RALGAPB: variants seen among roughly 807,000 people sequenced by gnomAD.
The protein encoded by RALGAPB is ral GTPase-activating protein subunit beta.
RALGAPB carries 25 observed loss-of-function variants against 161.1 expected under a neutral mutation model. The observed-to-expected ratio is 0.16, with a 90% CI of 0.11 to 0.22. RALGAPB has a LOEUF of 0.22. RALGAPB is among the 10% of genes least tolerant of loss of function. RALGAPB has a pLI of 1.00. For synonymous variants in RALGAPB, 629 were observed against 626.1 expected, an observed-to-expected ratio of 1.00 and a Z score of -0.07; for missense variants, 1,391 against 1,815.2, an observed-to-expected ratio of 0.77 and a Z score of 4.25.
chr20:38,574,681 G>T, intron 29 of RALGAPB, 93 bp from the exon 30 acceptor site: 2 of 1,240,260 alleles, frequency 1.6e-6, no homozygotes, highest in South Asian at 1.3e-5. Flanking sequence ...AAATAGTTTT[G>T]AGTATGCGGA....
At chr20:38,546,471 A>G in intron 19 of RALGAPB, 41 bp downstream of exon 19, 4 of 1,610,724 alleles carry the variant, frequency 2.5e-6, no homozygotes, top group Non-Finnish European at 3.4e-6. Context: ...CTGCTTAATC[A>G]GTGTTACCAG....
chr20:38,529,732 A>C (rs1244574024), intron 13 of RALGAPB, among the ~76,000 whole-genome samples: 2 of 149,568 alleles, frequency 1.3e-5, no homozygotes, highest in African/African-American at 4.9e-5. Context: ...AATTCCAGCT[A>C]CTCGGAGGCC....
intron 1 of RALGAPB, among the ~76,000 whole-genome samples, chr20:38,487,177 G>A (rs2085139619): frequency 6.6e-6 from 1 of 152,196 alleles, no homozygotes; most frequent in African/African-American, 2.4e-5. Flanking sequence ...CATGACCAGT[G>A]ACTTAGGGTA....
At chr20:38,502,719 C>T (rs1400954122) in intron 5 of RALGAPB, among the ~76,000 whole-genome samples, 1 of 152,204 alleles carries the variant, frequency 6.6e-6, no homozygotes, top group East Asian at 1.9e-4. Context: ...TCTCGTGCCT[C>T]AGCCTCCCCA....
In RALGAPB at chr20:38,558,809, CTAG is replaced by C. The variant is rs2087685364; in HGVS notation, c.3531+357_3531+359del. Among the ~76,000 whole-genome samples the C allele has an allele frequency of 2.0e-5, 3 of 152,284 alleles. No individual in the cohort carries two copies. In the South Asian group the frequency reaches 6.2e-4, roughly 32 times the overall value. ...TGAACTGTTGGTGGTGACACACAGTCTAGAGTCCATATAGCACGCAGCTTCAAA... is the reference window on the plus strand; with the variant it reads ...TGAACTGTTGGTGGTGACACACAGTCAGTCCATATAGCACGCAGCTTCAAA... On this transcript the variant is annotated intron_variant, in intron 23 of 29. Transcript: ENST00000262879.
At position 38,577,313 on chromosome 20, in the gene RALGAPB, A is replaced by G. The variant is rs1373368410; in HGVS notation, c.*2346A>G. 1 of 152,200 alleles carries G rather than the reference A, an allele frequency of 6.6e-6. No homozygotes were observed. Among genetic ancestry groups the G allele is most frequent in the African/African-American group, 2.4e-5 (1 of 41,442 alleles). 9.4% of individuals were successfully genotyped at this position (152,200 alleles called of 1,614,324 possible). A position where few individuals can be genotyped will look rare whatever the true frequency, so the allele number is the denominator to read the frequency against. On this transcript the variant is annotated 3_prime_UTR_variant, in exon 30 of 30. Coordinates refer to ENST00000262879, the MANE Select transcript of RALGAPB (RefSeq NM_020336.4). Reference sequence around the variant, plus strand: ...TAAAAATCACTTTGAGTAGAATAGCACTGGAGGAACATATTTAGCACCTAA... The same window carrying G: ...TAAAAATCACTTTGAGTAGAATAGCGCTGGAGGAACATATTTAGCACCTAA...
At chr20:38,487,042 A>G (rs1174114566) in intron 1 of RALGAPB, among the ~76,000 whole-genome samples, 3 of 152,204 alleles carry the variant, frequency 2.0e-5, no homozygotes, top group Admixed American at 2.0e-4. Flanking sequence ...CTCAGCTGAG[A>G]GGAGTTGGTC....
chr20:38,543,655 G>A (rs974771080), intron 18 of RALGAPB, among the ~76,000 whole-genome samples: 1 of 152,140 alleles, frequency 6.6e-6, no homozygotes, highest in African/African-American at 2.4e-5. Context: ...CCGTTGTCAG[G>A]CCTGACAGAG....
At chr20:38,536,082 C>A (rs1365988669) in intron 16 of RALGAPB, among the ~76,000 whole-genome samples, 1 of 152,120 alleles carries the variant, frequency 6.6e-6, no homozygotes, top group Non-Finnish European at 1.5e-5. Context: ...CTTCTAGTTC[C>A]AAAATGTTTT....
chr20:38,559,763 G>A (rs2087723294), intron 23 of RALGAPB, among the ~76,000 whole-genome samples: 3 of 152,122 alleles, frequency 2.0e-5, no homozygotes, highest in Admixed American at 2.0e-4. Flanking sequence ...ACTAAGAGAA[G>A]GACGAAGAAA....
chr20:38,537,700 A>G (rs2086849314), intron 16 of RALGAPB: 1 of 152,348 alleles, frequency 6.6e-6, no homozygotes, highest in East Asian at 1.9e-4. Flanking sequence ...TTCAGATTAC[A>G]TAAAGAACTC....
intron 1 of RALGAPB, among the ~76,000 whole-genome samples, chr20:38,475,015 A>G (rs1056331301): frequency 1.3e-5 from 2 of 152,226 alleles, no homozygotes; most frequent in African/African-American, 4.8e-5. Flanking sequence ...AGTTGAACAC[A>G]CACATTGAGT....
intron 5 of RALGAPB, among the ~76,000 whole-genome samples, chr20:38,503,127 AT>A (rs956154644): frequency 1.2e-4 from 19 of 152,120 alleles, no homozygotes; most frequent in African/African-American, 4.6e-4. Flanking sequence ...TTTCCTTATG[AT>A]TTTCTTAATA....
At chr20:38,532,965 C>T (rs2086701460) in intron 15 of RALGAPB, 106 bp downstream of exon 15, 1 of 1,268,054 alleles carries the variant, frequency 7.9e-7, no homozygotes, top group Non-Finnish European at 1.1e-6. Context: ...TTTTTATATA[C>T]TTAAGTATAA....
At chr20:38,529,506 A>T (rs2086581698) in intron 13 of RALGAPB, among the ~76,000 whole-genome samples, 1 of 149,770 alleles carries the variant, frequency 6.7e-6, no homozygotes, top group Admixed American at 6.6e-5. Context: ...AATAAGAGCG[A>T]AACTCCGTCT....
At chr20:38,569,202 C>T (rs1418146834) in intron 26 of RALGAPB, 1 of 152,200 alleles carries the variant, frequency 6.6e-6, no homozygotes, top group African/African-American at 2.4e-5. Flanking sequence ...ATTCTTCCCT[C>T]TGTACACATG....
chr20:38,496,464 C>T (rs1365977594), intron 3 of RALGAPB, among the ~76,000 whole-genome samples: 1 of 152,122 alleles, frequency 6.6e-6, no homozygotes, highest in African/African-American at 2.4e-5. Context: ...ATATTAGATA[C>T]TTCTCTTGGG....
Position 38,517,810 on chromosome 20 carries a change from TCAG to T in RALGAPB, c.1230_1232del (p.Gln410del), listed in dbSNP as rs1225265776. ...TTAGTACTGCTCATGCCTCTAAAGT[TCAG>T]CACCAGACGTCCTCCACCTCTCCTC... On this transcript the variant is annotated inframe_deletion, in exon 9 of 30. Coordinates refer to ENST00000262879, the MANE Select transcript of RALGAPB (RefSeq NM_020336.4). The T allele has an allele frequency of 6.2e-7, 1 of 1,613,808 alleles. No homozygotes were observed. The highest frequency in any genetic ancestry group is 1.1e-5 in the South Asian group (1 of 91,062).
In RALGAPB at chr20:38,494,459, T is replaced by C. The variant is rs2085361691; in HGVS notation, c.389+1327T>C. Among the ~76,000 whole-genome samples the C allele has an allele frequency of 2.0e-5, 3 of 152,238 alleles. No homozygotes were observed. The South Asian group carries it at 6.2e-4, about 32-fold the overall frequency. ...CAGCCTGGCCAACATGGCGAAACCC[T>C]GTCTCTACTAAAAATACAAAACTTA... On this transcript the variant is annotated intron_variant, in intron 3 of 29. Coordinates refer to ENST00000262879, the MANE Select transcript of RALGAPB (RefSeq NM_020336.4).
Sources: allele counts gnomAD v4.1 joint callset (sites outside exome capture counted in the v4.1 genomes callset), GRCh38; gene constraint gnomAD v4.1.1; transcripts MANE v1.5; gene names NCBI Gene and HGNC (gene_info 2026-07-23, HGNC 2026-07-21).